Variants in UCHL5 observed in about 807,000 individuals in gnomAD.
The protein encoded by UCHL5 is ubiquitin carboxyl-terminal hydrolase isozyme L5.
Under a neutral mutation model 53.8 loss-of-function variants are expected in UCHL5, and 34 were observed. That is an observed-to-expected ratio of 0.63 (90% confidence interval 0.48 to 0.84). UCHL5 has a LOEUF of 0.84. UCHL5 is among the 40% of genes least tolerant of loss of function. The pLI, the probability that UCHL5 is intolerant of heterozygous loss-of-function variation, is 0.00. For synonymous variants in UCHL5, 111 were observed against 126.3 expected (o/e 0.88, Z 0.81); for missense variants, 290 against 385.6 (o/e 0.75, Z 2.08).
In UCHL5 at chr1:193,020,971, A is replaced by C. The variant is rs111275970; in HGVS notation, c.942+126T>G. 4.1e-4 allele frequency: 275 copies of C among 667,676 alleles called. 1 individual carries two copies. In the African/African-American group the frequency reaches 4.5e-3, roughly 11 times the overall value. The allele number at this position is 667,676 out of a possible 1,614,324, so 41.4% of individuals were successfully genotyped here. ...TACAGAGTAGAAAACAAGAGGCAAA[A>C]GCAAAAGAATAAAAACGTACAAGCT... is the stretch of plus-strand genomic sequence containing the variant. On this transcript the variant is annotated intron_variant, in intron 10 of 10. Transcript: ENST00000367454.
chr1:193,043,151 T>TTTAAAAAAA (rs1553255148), intron 3 of UCHL5, among the ~76,000 whole-genome samples: 2 of 36,376 alleles, frequency 5.5e-5, no homozygotes, highest in Non-Finnish European at 1.1e-4. Context: ...TCTTGAATAT[T>TTTAAAAAAA]AAAAAAAAAA....
chr1:193,043,151 T>TAAAAAAAAAAAAAA (rs200951342), intron 3 of UCHL5, among the ~76,000 whole-genome samples: 40 of 36,372 alleles, frequency 1.1e-3, no homozygotes, highest in South Asian at 3.1e-3. Context: ...TCTTGAATAT[T>TAAAAAAAAAAAAAA]AAAAAAAAAA....
intron 2 of UCHL5, 29 bp downstream of exon 2, chr1:193,051,725 C>CATA: frequency 7.6e-7 from 1 of 1,316,270 alleles, no homozygotes; most frequent in Non-Finnish European, 1.1e-6. Flanking sequence ...TATATATATA[C>CATA]ATATTAACAC....
intron 9 of UCHL5, 52 bp downstream of exon 9, chr1:193,022,874 A>C: frequency 7.8e-7 from 1 of 1,288,756 alleles, no homozygotes. Context: ...TTCATCTTGA[A>C]ATATACTGCT....
In UCHL5 at chr1:193,039,306, A is replaced by T. The variant is rs1664726734; in HGVS notation, c.247-9649T>A. 2.0e-5 allele frequency among the ~76,000 whole-genome samples: 3 copies of T among 152,262 alleles called. No individual in the cohort carries two copies. In the Middle Eastern group the frequency reaches 0.01, roughly 518 times the overall value. On this transcript the variant is annotated intron_variant, in intron 3 of 10. Coordinates refer to ENST00000367454, the MANE Select transcript of UCHL5 (RefSeq NM_001199261.3). Reference sequence around the variant, plus strand: ...ATGCCTGTAATCCCAGCTACTCAGGAGGCTGAGGCACAAGAATAGCTTGAA... The same window carrying T: ...ATGCCTGTAATCCCAGCTACTCAGGTGGCTGAGGCACAAGAATAGCTTGAA...
intron 7 of UCHL5, 142 bp from the exon 8 acceptor site, chr1:193,024,088 T>C (rs147440473): frequency 3.0e-6 from 2 of 661,238 alleles, no homozygotes; most frequent in East Asian, 2.9e-5. Flanking sequence ...ATGGACACTT[T>C]TAAAAAGCTT....
chr1:193,025,879 G>T (rs145258468), intron 7 of UCHL5, among the ~76,000 whole-genome samples: 2 of 151,880 alleles, frequency 1.3e-5, no homozygotes, highest in African/African-American at 4.8e-5. Flanking sequence ...GAAAGGCATC[G>T]GTCTACCTGA....
chr1:193,050,946 T>C (rs1176471616), intron 2 of UCHL5, among the ~76,000 whole-genome samples: 2 of 152,236 alleles, frequency 1.3e-5, no homozygotes, highest in East Asian at 3.9e-4. Flanking sequence ...ACAGTTCAAA[T>C]GATCCATTTT....
chr1:193,042,226 G>A (rs1363563230), intron 3 of UCHL5, among the ~76,000 whole-genome samples: 1 of 152,054 alleles, frequency 6.6e-6, no homozygotes, highest in Non-Finnish European at 1.5e-5. Context: ...AAAAGAAAAT[G>A]ATAAACAGAA....
chr1:193,029,240 A>G lies in UCHL5; in HGVS notation c.504T>C (p.Tyr168=). The G allele has an allele frequency of 6.2e-7, 1 of 1,613,926 alleles. No individual in the cohort carries two copies. The highest frequency in any genetic ancestry group is 8.5e-7 in the Non-Finnish European group (1 of 1,179,850). Residue 168 remains tyrosine (Y), a synonymous_variant, in exon 6 of 11, where the codon TAT becomes TAC. Transcript: ENST00000367454. ...CATACAGTCTCCCATTAACAGGAAC[A>G]TAACTGACAAAGTGAAAAGCATCTT... is the stretch of plus-strand genomic sequence containing the variant. ...KEEDAFHFVS[Y]VPVNGRLYEL...
upstream of UCHL5, chr1:193,060,030 C>CCGT: frequency 3.0e-6 from 4 of 1,350,640 alleles, no homozygotes; most frequent in Non-Finnish European, 4.0e-6. Context: ...GAAGCCGGGA[C>CCGT]CGCTCCTGCT....
Position 193,027,870 on chromosome 1 carries a change from C to T in UCHL5, c.629+215G>A, listed in dbSNP as rs1250462361. On this transcript the variant is annotated intron_variant, in intron 7 of 10. Coordinates refer to ENST00000367454, the MANE Select transcript of UCHL5 (RefSeq NM_001199261.3). ...GGGCACAGTGGCTCACGCCTGTAAT[C>T]CTACCACTTTGGGAGGTCGAGGCAG... The T allele has an allele frequency of 4.1e-6, 6 of 1,464,454 alleles. No homozygotes were observed. In the African/African-American group the frequency reaches 5.6e-5, roughly 14 times the overall value. The allele number at this position is 1,464,454 out of a possible 1,614,324, so 90.7% of individuals were successfully genotyped here. A position where few individuals can be genotyped will look rare whatever the true frequency, so the allele number is the denominator to read the frequency against.
chr1:193,047,481 A>C (rs1667715727), intron 3 of UCHL5, among the ~76,000 whole-genome samples: 1 of 152,210 alleles, frequency 6.6e-6, no homozygotes, highest in Non-Finnish European at 1.5e-5. Flanking sequence ...TACTCAATTC[A>C]AAAAAGTCAG....
intron 2 of UCHL5, among the ~76,000 whole-genome samples, chr1:193,051,551 C>A (rs1178631610): frequency 6.6e-6 from 1 of 150,842 alleles, no homozygotes; most frequent in African/African-American, 2.4e-5. Context: ...GGTTTGACTC[C>A]CTTGCAAGTT....
intron 2 of UCHL5, among the ~76,000 whole-genome samples, chr1:193,050,118 T>C (rs1369384741): frequency 1.3e-5 from 2 of 152,170 alleles, no homozygotes; most frequent in Admixed American, 6.5e-5. Context: ...CTACCTGATA[T>C]TACCTCACTT....
At chr1:193,036,027 T>C (rs752628799) in intron 3 of UCHL5, among the ~76,000 whole-genome samples, 15 of 151,730 alleles carry the variant, frequency 9.9e-5, no homozygotes, top group Non-Finnish European at 1.5e-4. Context: ...AATTAAAACA[T>C]ACAACCTGAG....
At chr1:193,051,681 A>G in intron 2 of UCHL5, 73 bp downstream of exon 2, 1 of 940,456 alleles carries the variant, frequency 1.1e-6, no homozygotes. Flanking sequence ...AAATAAACAA[A>G]CAAATCTGAA....
At chr1:193,056,294 C>A (rs1304892122) in intron 1 of UCHL5, among the ~76,000 whole-genome samples, 1 of 151,984 alleles carries the variant, frequency 6.6e-6, no homozygotes, top group Admixed American at 6.6e-5. Context: ...TTCTATTGAT[C>A]TTCCCCAAAA....
In UCHL5 at chr1:193,013,775, C is replaced by T. The variant is rs575712441; in HGVS notation, c.*2576G>A. 3.9e-5 allele frequency: 6 copies of T among 152,122 alleles called. No homozygotes were observed. The highest frequency in any genetic ancestry group is 7.4e-5 in the Non-Finnish European group (5 of 68,008). 9.4% of individuals were successfully genotyped at this position (152,122 alleles called of 1,614,324 possible). The stretch of plus-strand genomic sequence containing the variant: ...AATCTGCATGTAACACCATAATATA[C>T]ACACAAATATGTACCATGGTCCTAA... On this transcript the variant is annotated 3_prime_UTR_variant, in exon 11 of 11. Coordinates refer to ENST00000367454, the MANE Select transcript of UCHL5 (RefSeq NM_001199261.3).
Sources: allele counts gnomAD v4.1 joint callset (sites outside exome capture counted in the v4.1 genomes callset), GRCh38; gene constraint gnomAD v4.1.1; transcripts MANE v1.5; gene names NCBI Gene and HGNC (gene_info 2026-07-23, HGNC 2026-07-21).